Variants in RABEP1 observed in about 807,000 individuals in gnomAD.
The protein encoded by RABEP1 is rabaptin, RAB GTPase binding effector protein 1.
Under a neutral mutation model 123.4 loss-of-function variants are expected in RABEP1, and 51 were observed. That is an observed-to-expected ratio of 0.41 (90% CI 0.33 to 0.52). The LOEUF (loss-of-function observed/expected upper bound fraction) is 0.52, where lower values mean the gene tolerates loss of function less well. RABEP1 is among the 20% of genes least tolerant of loss of function. RABEP1 has a pLI of 0.16. For missense variants in RABEP1, 888 were observed against 996.3 expected, an observed-to-expected ratio of 0.89 and a Z score of 1.46; for synonymous variants, 347 against 355.2, an observed-to-expected ratio of 0.98 and a Z score of 0.26.
Position 5,346,900 on chromosome 17 carries a change from G to A in RABEP1, c.759G>A (p.Glu253=). The change falls in exon 6 of 18, where the codon GAG becomes GAA. Residue 253 remains glutamate (E), a synonymous_variant. Transcript: ENST00000537505. ...AATCTGTTCTACAGGAAGATGCTGA[G>A]AAACTGCGGAAAGAATTGCATGAAG... The part of the protein sequence containing the change: ...TQKSVLQEDA[E]KLRKELHEVC... 1 of 1,604,888 alleles carries A rather than the reference G, an allele frequency of 6.2e-7. No individual in the cohort carries two copies. Among genetic ancestry groups the A allele is most frequent in the Non-Finnish European group, 8.5e-7 (1 of 1,174,606 alleles).
At chr17:5,374,401 T>C (rs1246426852) in intron 13 of RABEP1, among the ~76,000 whole-genome samples, 3 of 151,910 alleles carry the variant, frequency 2.0e-5, no homozygotes, top group Non-Finnish European at 4.4e-5. Context: ...CCCAGAGACA[T>C]TCATAATTCT....
chr17:5,348,046 C>T (rs1281735196), intron 6 of RABEP1, among the ~76,000 whole-genome samples: 9 of 151,540 alleles, frequency 5.9e-5, no homozygotes, highest in African/African-American at 1.5e-4. Context: ...GGTGTGATCT[C>T]GGCTCACTGC....
chr17:5,375,373 G>C (rs1025004531), intron 13 of RABEP1, among the ~76,000 whole-genome samples: 8 of 151,974 alleles, frequency 5.3e-5, no homozygotes, highest in Non-Finnish European at 8.8e-5. Context: ...TTTCCTTTCT[G>C]AATTGGTGAC....
intron 12 of RABEP1, among the ~76,000 whole-genome samples, chr17:5,370,844 G>A (rs767848927): frequency 1.3e-5 from 2 of 152,000 alleles, no homozygotes; most frequent in Non-Finnish European, 2.9e-5. Context: ...TTTCTTTGTA[G>A]TTCTGCCCTT....
rs534659928 is a variant in RABEP1 at position 5,345,847 on chromosome 17, T to C, written c.649-943T>C. On this transcript the variant is annotated intron_variant, in intron 5 of 17. Transcript: ENST00000537505. ...ATGAAAAGGACCTTGAATGTGATAT[T>C]AGATATAACCATTTGAAAAAGTTGA... Among the ~76,000 whole-genome samples the C allele has an allele frequency of 2.6e-5, 4 of 152,344 alleles. No homozygotes were observed. The South Asian group carries it at 8.3e-4, about 32-fold the overall frequency.
Position 5,334,663 on chromosome 17 carries a change from C to T in RABEP1, c.368-521C>T, listed in dbSNP as rs768906022. ...ACAGGTGTGTGTGAGCCACTATGCC[C>T]GGCCACGTTTTAAGATTATATTAAA... On this transcript the variant is annotated intron_variant, in intron 3 of 17. Coordinates refer to ENST00000537505, the MANE Select transcript of RABEP1 (RefSeq NM_004703.6). Among the ~76,000 whole-genome samples the T allele has an allele frequency of 3.3e-5, 5 of 152,264 alleles. No individual in the cohort carries two copies. The East Asian group carries it at 5.8e-4, about 18-fold the overall frequency.
At chr17:5,372,129 G>A (rs1315188728) in intron 12 of RABEP1, among the ~76,000 whole-genome samples, 1 of 151,934 alleles carries the variant, frequency 6.6e-6, no homozygotes, top group East Asian at 1.9e-4. Flanking sequence ...AAGCAGAAGT[G>A]GGAGTGTGTC....
At chr17:5,284,190 G>T (rs1248578225) in intron 1 of RABEP1, 2 of 152,198 alleles carry the variant, frequency 1.3e-5, no homozygotes, top group East Asian at 1.9e-4. Flanking sequence ...GATATGAAAT[G>T]GTCTTCCTTG....
chr17:5,303,920 C>A (rs1428123919), intron 1 of RABEP1, among the ~76,000 whole-genome samples: 1 of 151,600 alleles, frequency 6.6e-6, no homozygotes, highest in Non-Finnish European at 1.5e-5. Flanking sequence ...GTAATCTCAG[C>A]GACTTGGGAG....
chr17:5,282,354 C>A lies in RABEP1; in HGVS notation c.-133C>A, dbSNP rs184578037. On this transcript the variant is annotated 5_prime_UTR_variant, in exon 1 of 18. Transcript: ENST00000537505. Reference sequence around the variant, plus strand: ...CGCGGCTGTGGCGGCGCCGGCGGATCCAGCCTTAGCGGTTTCTCTCTGGGC... The same window carrying A: ...CGCGGCTGTGGCGGCGCCGGCGGATACAGCCTTAGCGGTTTCTCTCTGGGC... The A allele has an allele frequency of 2.3e-3, 1,543 of 682,272 alleles. 42 individuals are homozygous for A. The East Asian group carries it at 0.047, about 21-fold the overall frequency. 42.3% of individuals were successfully genotyped at this position (682,272 alleles called of 1,614,324 possible). A position where few individuals can be genotyped will look rare whatever the true frequency, so the allele number is the denominator to read the frequency against.
At chr17:5,379,279 ACC>A (rs1911251327) in intron 15 of RABEP1, among the ~76,000 whole-genome samples, 1 of 152,090 alleles carries the variant, frequency 6.6e-6, no homozygotes, top group Non-Finnish European at 1.5e-5. Flanking sequence ...GAATATCATG[ACC>A]TGCTTCTGAC....
chr17:5,354,577 A>T (rs573706806), intron 8 of RABEP1, 87 bp downstream of exon 8: 23 of 1,280,766 alleles, frequency 1.8e-5, no homozygotes, highest in Non-Finnish European at 2.4e-5. Flanking sequence ...CATTGTTCAT[A>T]TGAGAAGTGA....
intron 13 of RABEP1, among the ~76,000 whole-genome samples, chr17:5,375,710 TA>T (rs957884366): frequency 7.1e-4 from 101 of 142,454 alleles, no homozygotes; most frequent in South Asian, 8.9e-4. Flanking sequence ...CTGTCTCAAT[TA>T]AAAAAAAAAA....
intron 8 of RABEP1, among the ~76,000 whole-genome samples, chr17:5,355,603 C>T (rs1040764764): frequency 6.6e-6 from 1 of 152,148 alleles, no homozygotes; most frequent in African/African-American, 2.4e-5. Context: ...CCTTTCCTGG[C>T]CTGGTGAATG....
chr17:5,334,208 CT>C (rs1567529165), intron 3 of RABEP1, among the ~76,000 whole-genome samples: 2 of 151,206 alleles, frequency 1.3e-5, no homozygotes, highest in African/African-American at 4.9e-5. Flanking sequence ...ATAATCTTTT[CT>C]TTTTTTTCCC....
intron 13 of RABEP1, among the ~76,000 whole-genome samples, chr17:5,376,866 T>C (rs1911033878): frequency 6.6e-6 from 1 of 152,208 alleles, no homozygotes; most frequent in South Asian, 2.1e-4. Flanking sequence ...ATTTTTCTGC[T>C]TATGAAACAG....
At chr17:5,354,932 A>C (rs1434972934) in intron 8 of RABEP1, among the ~76,000 whole-genome samples, 1 of 152,182 alleles carries the variant, frequency 6.6e-6, no homozygotes, top group East Asian at 1.9e-4. Flanking sequence ...GAGGTTTGGC[A>C]GATAACACCA....
At chr17:5,351,631 A>G (rs1323903537) in intron 7 of RABEP1, among the ~76,000 whole-genome samples, 3 of 152,072 alleles carry the variant, frequency 2.0e-5, no homozygotes, top group Admixed American at 2.0e-4. Flanking sequence ...CTCTGTTTCT[A>G]CAATAATAAT....
intron 15 of RABEP1, among the ~76,000 whole-genome samples, chr17:5,379,491 CCT>C (rs139042782): frequency 0.016 from 2,421 of 152,272 alleles, 34 homozygotes; most frequent in Middle Eastern, 0.041. Flanking sequence ...TTTCTTCCTC[CCT>C]CTGTTGCCAC....
Sources: allele counts gnomAD v4.1 joint callset (sites outside exome capture counted in the v4.1 genomes callset), GRCh38; gene constraint gnomAD v4.1.1; transcripts MANE v1.5; gene names NCBI Gene and HGNC (gene_info 2026-07-23, HGNC 2026-07-21).